The following GRIP1 variants were observed in gnomAD, a reference collection of about 807,000 sequenced individuals.
The protein encoded by GRIP1 is glutamate receptor-interacting protein 1.
A neutral mutation model predicts 129.9 loss-of-function variants in GRIP1; 45 were observed. The ratio of observed to expected loss-of-function variants is 0.35; its 90% confidence interval spans 0.27 to 0.44. The LOEUF (loss-of-function observed/expected upper bound fraction) is 0.44, where lower values mean the gene tolerates loss of function less well. Ranked by LOEUF, GRIP1 falls within the 20% of genes least tolerant of loss-of-function variation. The pLI is 1.00. For missense variants in GRIP1, 1,196 were observed against 1,396.8 expected, an observed-to-expected ratio of 0.86 and a Z score of 2.29; for synonymous variants, 530 against 520.8, an observed-to-expected ratio of 1.02 and a Z score of -0.24.
At chr12:66,576,589 C>T (rs556694302) in intron 2 of GRIP1, among the ~76,000 whole-genome samples, 1 of 152,326 alleles carries the variant, frequency 6.6e-6, no homozygotes, top group African/African-American at 2.4e-5. Context: ...GTTGGGTAGA[C>T]TTGGACAAGT....
At chr12:66,895,813 G>A (rs1299156862) in intron 1 of GRIP1, among the ~76,000 whole-genome samples, 1 of 152,102 alleles carries the variant, frequency 6.6e-6, no homozygotes, top group Non-Finnish European at 1.5e-5. Flanking sequence ...AGTACACTGT[G>A]TTTCTTATCA....
chr12:66,932,685 T>G (rs567114228), intron 1 of GRIP1, among the ~76,000 whole-genome samples: 1 of 152,332 alleles, frequency 6.6e-6, no homozygotes, highest in Admixed American at 6.5e-5. Context: ...TTTTTGTTTT[T>G]TTAGATGGAG....
At chr12:66,620,628 C>T (rs1275946503) in intron 1 of GRIP1, among the ~76,000 whole-genome samples, 2 of 152,136 alleles carry the variant, frequency 1.3e-5, no homozygotes, top group South Asian at 2.1e-4. Context: ...GGATACTGTG[C>T]CTTTACAAAG....
intron 1 of GRIP1, among the ~76,000 whole-genome samples, chr12:66,699,903 A>C (rs1390936573): frequency 6.6e-6 from 1 of 152,168 alleles, no homozygotes; most frequent in African/African-American, 2.4e-5. Context: ...AAGGAGTACC[A>C]GCTCCCAAAG....
chr12:66,702,510 G>A (rs2035384133), intron 1 of GRIP1, among the ~76,000 whole-genome samples: 1 of 152,038 alleles, frequency 6.6e-6, no homozygotes, highest in Admixed American at 6.6e-5. Flanking sequence ...TCATGTATAT[G>A]GCTTGCTCTG....
intron 1 of GRIP1, among the ~76,000 whole-genome samples, chr12:66,727,416 GC>G (rs1309226120): frequency 6.6e-5 from 10 of 152,278 alleles, no homozygotes; most frequent in South Asian, 4.1e-4. Context: ...TTGCTCTTGG[GC>G]CAGCAGCCAG....
chr12:66,389,873 C>T (rs990242488), intron 19 of GRIP1, among the ~76,000 whole-genome samples: 1 of 152,076 alleles, frequency 6.6e-6, no homozygotes, highest in Non-Finnish European at 1.5e-5. Flanking sequence ...TACAGATACT[C>T]GTCAGTAAAT....
At chr12:66,605,214 T>G in intron 1 of GRIP1, among the ~76,000 whole-genome samples, 1 of 152,160 alleles carries the variant, frequency 6.6e-6, no homozygotes, top group South Asian at 2.1e-4. Context: ...ATAAGAATGA[T>G]TAGTTTCAAA....
chr12:66,797,179 T>C (rs2038723355), intron 1 of GRIP1, among the ~76,000 whole-genome samples: 2 of 152,326 alleles, frequency 1.3e-5, no homozygotes, highest in African/African-American at 4.8e-5. Context: ...TCTGGCATCA[T>C]GGTGAATGAT....
intron 1 of GRIP1, among the ~76,000 whole-genome samples, chr12:66,938,011 A>T (rs1373806374): frequency 1.3e-5 from 2 of 152,350 alleles, no homozygotes; most frequent in East Asian, 3.9e-4. Context: ...TAAAATAAAT[A>T]CCAGATTTCA....
intron 22 of GRIP1, among the ~76,000 whole-genome samples, chr12:66,372,914 C>T (rs934582374): frequency 2.0e-5 from 3 of 152,064 alleles, no homozygotes; most frequent in Non-Finnish European, 2.9e-5. Context: ...CTTCCTGATA[C>T]CATGGGGACA....
chr12:66,451,259 C>G (rs1203942472), intron 11 of GRIP1, among the ~76,000 whole-genome samples: 1 of 151,590 alleles, frequency 6.6e-6, no homozygotes, highest in Non-Finnish European at 1.5e-5. Flanking sequence ...AAAACACCTC[C>G]AAAAGTTTAA....
intron 1 of GRIP1, among the ~76,000 whole-genome samples, chr12:67,055,955 T>G (rs970235513): frequency 4.6e-5 from 7 of 152,034 alleles, no homozygotes; most frequent in Non-Finnish European, 7.4e-5. Context: ...AATATTGAAA[T>G]CACCAGAATG....
At chr12:66,512,337 G>C (rs1391716646) in intron 7 of GRIP1, among the ~76,000 whole-genome samples, 1 of 152,076 alleles carries the variant, frequency 6.6e-6, no homozygotes, top group African/African-American at 2.4e-5. Flanking sequence ...TAGAAGATGT[G>C]GGAAAGTTTG....
chr12:66,992,900 C>T (rs2135648694), intron 1 of GRIP1, among the ~76,000 whole-genome samples: 1 of 152,226 alleles, frequency 6.6e-6, no homozygotes, highest in East Asian at 1.9e-4. Context: ...GCTGCTTCAG[C>T]TCAGGGGTTT....
At chr12:66,488,801 C>A (rs1427720766) in intron 7 of GRIP1, among the ~76,000 whole-genome samples, 1 of 152,016 alleles carries the variant, frequency 6.6e-6, no homozygotes, top group African/African-American at 2.4e-5. Context: ...ACCACTGACC[C>A]CCACAGAAAT....
chr12:66,810,603 T>C (rs60754979), intron 1 of GRIP1, among the ~76,000 whole-genome samples: 98,594 of 151,734 alleles, frequency 0.65, 32,146 homozygotes, highest in African/African-American at 0.71. Context: ...GTGAGGTAGA[T>C]AGGATGCAGA....
chr12:66,460,635 G>A (rs576607516), intron 9 of GRIP1, among the ~76,000 whole-genome samples: 2 of 152,264 alleles, frequency 1.3e-5, no homozygotes, highest in South Asian at 4.1e-4. Flanking sequence ...CTTATCCCAA[G>A]TTGAGATATT....
intron 2 of GRIP1, among the ~76,000 whole-genome samples, chr12:66,553,905 T>C (rs1439598433): frequency 6.6e-6 from 1 of 152,048 alleles, no homozygotes; most frequent in Non-Finnish European, 1.5e-5. Flanking sequence ...GCAGTTGCCA[T>C]GTGAGCTCCG....
Sources: gnomAD v4.1 joint callset for allele counts (sites outside exome capture counted in the v4.1 genomes callset) on GRCh38, gnomAD v4.1.1 for gene constraint, MANE v1.5 for transcripts, NCBI Gene and HGNC (gene_info 2026-07-23, HGNC 2026-07-21) for gene names.